Variants in CASQ2 observed in about 807,000 individuals in gnomAD.
CASQ2 encodes the protein calsequestrin 2.
CASQ2 carries 49 observed loss-of-function variants against 46.5 expected under a neutral mutation model. That is an observed-to-expected ratio of 1.05 (90% confidence interval 0.84 to 1.34). The LOEUF is 1.34. Among genes scored for constraint, CASQ2 ranks in the 40% most tolerant of loss-of-function variants. The pLI, the probability that CASQ2 is intolerant of heterozygous loss-of-function variation, is 0.00. For synonymous variants in CASQ2, 174 were observed against 168.5 expected (o/e 1.03, Z -0.25); for missense variants, 486 against 481.3 (o/e 1.01, Z -0.09).
At chr1:115,762,176 G>A (rs1648986551) in intron 1 of CASQ2, among the ~76,000 whole-genome samples, 1 of 152,144 alleles carries the variant, frequency 6.6e-6, no homozygotes, top group South Asian at 2.1e-4. Context: ...GGCCATTTTT[G>A]TGCCAAGACT....
At chr1:115,762,426 C>T (rs942772686) in intron 1 of CASQ2, among the ~76,000 whole-genome samples, 1 of 152,140 alleles carries the variant, frequency 6.6e-6, no homozygotes, top group South Asian at 2.1e-4. Context: ...TCTCTAGCTG[C>T]CTGAAAAAAT....
At chr1:115,721,136 C>T (rs1647360312) in intron 7 of CASQ2, among the ~76,000 whole-genome samples, 2 of 152,160 alleles carry the variant, frequency 1.3e-5, no homozygotes, top group African/African-American at 4.8e-5. Context: ...CTGGGGGTCT[C>T]TGACCCCATC....
rs141817952 is a variant in CASQ2 at position 115,702,372 on chromosome 1, T to G, written c.1014+549A>C. Among the ~76,000 whole-genome samples the G allele has an allele frequency of 3.9e-5, 6 of 152,320 alleles. No individual in the cohort carries two copies. The East Asian group carries it at 1.2e-3, about 29-fold the overall frequency. The stretch of plus-strand genomic sequence containing the variant: ...GTTGTATGAGATGTATGGACTGAGA[T>G]CTAAGATTTCCTCGCATTCTGCCAG... On this transcript the variant is annotated intron_variant, in intron 10 of 10. Coordinates refer to ENST00000261448, the MANE Select transcript of CASQ2 (RefSeq NM_001232.4).
intron 5 of CASQ2, among the ~76,000 whole-genome samples, chr1:115,728,198 T>C (rs970643697): frequency 6.6e-6 from 1 of 152,148 alleles, no homozygotes; most frequent in Non-Finnish European, 1.5e-5. Flanking sequence ...GGGTATTGCA[T>C]AAGCTCTTAC....
intron 1 of CASQ2, among the ~76,000 whole-genome samples, chr1:115,766,896 TA>T (rs112667960): frequency 1.8e-4 from 28 of 151,580 alleles, no homozygotes; most frequent in Non-Finnish European, 2.9e-4. Flanking sequence ...GATAGATAGA[TA>T]GATAGATAGA....
At chr1:115,731,385 G>A (rs1384528525) in intron 5 of CASQ2, among the ~76,000 whole-genome samples, 1 of 152,150 alleles carries the variant, frequency 6.6e-6, no homozygotes, top group East Asian at 1.9e-4. Flanking sequence ...TTCTTACCCA[G>A]GAGCCTCTTT....
intron 3 of CASQ2, among the ~76,000 whole-genome samples, chr1:115,739,281 T>TTGG (rs768013739): frequency 0.016 from 2,382 of 150,154 alleles, 38 homozygotes; most frequent in Middle Eastern, 0.034. Flanking sequence ...CTAAGTTTTT[T>TTGG]TATTTTTGTA....
intron 7 of CASQ2, 73 bp from the exon 8 acceptor site, chr1:115,717,967 T>C: frequency 9.6e-7 from 1 of 1,039,830 alleles, no homozygotes; most frequent in Non-Finnish European, 1.5e-6. Flanking sequence ...GGACAGGGAC[T>C]CAGAAGCTGG....
chr1:115,748,651 C>A (rs1426132705), intron 1 of CASQ2, among the ~76,000 whole-genome samples: 2 of 152,166 alleles, frequency 1.3e-5, no homozygotes, highest in Non-Finnish European at 2.9e-5. Flanking sequence ...ACAGACCAAC[C>A]TTTCTGCAAG....
intron 7 of CASQ2, among the ~76,000 whole-genome samples, chr1:115,724,176 T>C (rs1049635630): frequency 6.6e-6 from 1 of 152,222 alleles, no homozygotes; most frequent in African/African-American, 2.4e-5. Context: ...AACACCAGGT[T>C]TGGCTCCAGA....
chr1:115,704,212 A>C lies in CASQ2; in HGVS notation c.939+980T>G, dbSNP rs577824843. ...TTTAATCACAGTATCATCAGTCATG[A>C]CCTATGCAACTAATGATAATTCCTG... is the stretch of plus-strand genomic sequence containing the variant. On this transcript the variant is annotated intron_variant, in intron 9 of 10. Transcript: ENST00000261448. Among the ~76,000 whole-genome samples, 11 of 152,326 alleles carry C rather than the reference A, an allele frequency of 7.2e-5. No individual in the cohort carries two copies. The South Asian group carries it at 2.1e-3, about 29-fold the overall frequency.
At chr1:115,723,805 C>T (rs553082791) in intron 7 of CASQ2, among the ~76,000 whole-genome samples, 1 of 152,330 alleles carries the variant, frequency 6.6e-6, no homozygotes, top group South Asian at 2.1e-4. Flanking sequence ...TCCCAAAGTG[C>T]TGAGATTACA....
intron 5 of CASQ2, 54 bp from the exon 6 acceptor site, chr1:115,727,176 A>T: frequency 1.5e-6 from 2 of 1,334,554 alleles, no homozygotes; most frequent in Non-Finnish European, 2.1e-6. Context: ...CTAGAATAGC[A>T]GTGTGTTGTC....
intron 8 of CASQ2, among the ~76,000 whole-genome samples, chr1:115,708,458 C>T (rs1654430908): frequency 2.0e-5 from 3 of 152,178 alleles, no homozygotes; most frequent in Non-Finnish European, 4.4e-5. Context: ...CAGAATGGCC[C>T]TTAAACACAC....
intron 8 of CASQ2, among the ~76,000 whole-genome samples, chr1:115,711,143 A>G (rs991114804): frequency 2.0e-5 from 3 of 152,038 alleles, no homozygotes; most frequent in African/African-American, 7.2e-5. Flanking sequence ...GGCTGTGCTC[A>G]CTCCACAAAG....
chr1:115,715,742 C>A (rs1654681990), intron 8 of CASQ2, among the ~76,000 whole-genome samples: 1 of 152,044 alleles, frequency 6.6e-6, no homozygotes, highest in Admixed American at 6.5e-5. Context: ...GGGTTTCACT[C>A]TGTAAGAAAC....
rs571356716 is a variant in CASQ2 at position 115,720,709 on chromosome 1, C to T, written c.784-2815G>A. Among the ~76,000 whole-genome samples, 5 of 152,296 alleles carry T rather than the reference C, an allele frequency of 3.3e-5. No individual in the cohort carries two copies. In the East Asian group the frequency reaches 5.8e-4, roughly 18 times the overall value. On this transcript the variant is annotated intron_variant, in intron 7 of 10. Coordinates refer to ENST00000261448, the MANE Select transcript of CASQ2 (RefSeq NM_001232.4). ...AGTGAATCCCTTCCTTTGGATACCC[C>T]AGCACTTTGTACGCCCCCCTGTCGC...
intron 2 of CASQ2, among the ~76,000 whole-genome samples, chr1:115,743,725 C>A (rs1024428617): frequency 1.3e-5 from 2 of 148,736 alleles, no homozygotes; most frequent in Admixed American, 1.3e-4. Flanking sequence ...TACTCCAAAT[C>A]CAATTAACCT....
intron 7 of CASQ2, among the ~76,000 whole-genome samples, chr1:115,722,987 G>A (rs1270265656): frequency 1.3e-5 from 2 of 152,152 alleles, no homozygotes; most frequent in Non-Finnish European, 2.9e-5. Flanking sequence ...GGCAGAGGCT[G>A]CAGTGAGCCA....
Sources: gnomAD v4.1 joint callset for allele counts (sites outside exome capture counted in the v4.1 genomes callset) on GRCh38, gnomAD v4.1.1 for gene constraint, MANE v1.5 for transcripts, NCBI Gene and HGNC (gene_info 2026-07-23, HGNC 2026-07-21) for gene names.